Variants in TENM3 observed in about 807,000 individuals in gnomAD.
TENM3 encodes the protein teneurin-3.
A neutral mutation model predicts 255.1 loss-of-function variants in TENM3; 63 were observed. The ratio of observed to expected loss-of-function variants is 0.25; its 90% CI spans 0.20 to 0.30. TENM3 has a LOEUF of 0.30. TENM3 is among the 10% of genes least tolerant of loss of function. TENM3 has a pLI of 1.00. For synonymous variants in TENM3, 1,306 were observed against 1,322.3 expected (o/e 0.99, Z 0.27); for missense variants, 2,929 against 3,461.1 (o/e 0.85, Z 3.86).
chr4:181,730,087 G>C, the TENM3 span, among the ~76,000 whole-genome samples: 1 of 152,196 alleles, frequency 6.6e-6, no homozygotes, highest in Admixed American at 6.5e-5. Context: ...CGCAGGGCTC[G>C]TATCACACAA....
At chr4:182,600,712 A>G (rs1201781222) in intron 3 of TENM3, among the ~76,000 whole-genome samples, 2 of 152,104 alleles carry the variant, frequency 1.3e-5, no homozygotes, top group Non-Finnish European at 2.9e-5. Context: ...ATTAATTAGA[A>G]CTTTGTGTAT....
intron 1 of TENM3, chr4:182,190,216 G>A (rs1318042752): frequency 1.3e-5 from 2 of 152,052 alleles, no homozygotes; most frequent in Non-Finnish European, 2.9e-5. Flanking sequence ...TGAAATTCTA[G>A]ATCTCTGGAA....
At position 182,793,075 on chromosome 4, in the gene TENM3, G is replaced by A. The variant is rs1221614572; in HGVS notation, c.6403G>A (p.Asp2135Asn). The A allele has an allele frequency of 6.2e-7, 1 of 1,613,956 alleles. No homozygotes were observed. Among genetic ancestry groups the A allele is most frequent in the Admixed American group, 1.7e-5 (1 of 60,018 alleles). ...CAAATATGCTTATGAATATGATGTTGATGGACAGCTCCAAACAGTTTACCT... is the reference window on the plus strand; with the variant it reads ...CAAATATGCTTATGAATATGATGTTAATGGACAGCTCCAAACAGTTTACCT... Reference protein sequence around the residue: ...TTKYAYEYDVDGQLQTVYLNE... With the variant: ...TTKYAYEYDVNGQLQTVYLNE... Residue 2135 changes from aspartate to asparagine, a missense_variant, in exon 26 of 28, where the codon GAT becomes AAT. Coordinates refer to ENST00000511685, the MANE Select transcript of TENM3 (RefSeq NM_001080477.4). The surrounding 1 kb of genome is among the most constrained non-coding windows in gnomAD (Gnocchi z 5.7).
chr4:182,532,070 A>C (rs971424603), intron 3 of TENM3, among the ~76,000 whole-genome samples: 1 of 152,236 alleles, frequency 6.6e-6, no homozygotes, highest in African/African-American at 2.4e-5. Flanking sequence ...TGACTACATC[A>C]GAATTTCTCT....
chr4:181,867,396 G>A, the TENM3 span, among the ~76,000 whole-genome samples: 1 of 151,964 alleles, frequency 6.6e-6, no homozygotes, highest in Non-Finnish European at 1.5e-5. Context: ...TCTCCATTTA[G>A]GCCCCACCTC....
the TENM3 span, among the ~76,000 whole-genome samples, chr4:181,640,445 T>C: frequency 1.3e-5 from 2 of 152,348 alleles, no homozygotes; most frequent in Non-Finnish European, 2.9e-5. Context: ...GGGATTGTTA[T>C]AGTGCTTTCC....
chr4:181,531,810 G>A, the TENM3 span, among the ~76,000 whole-genome samples: 1 of 152,196 alleles, frequency 6.6e-6, no homozygotes, highest in African/African-American at 2.4e-5. Context: ...CTTCCCTGAG[G>A]CACTGCTGCT....
chr4:182,214,512 GTATTTATT>G (rs56013840), intron 1 of TENM3, among the ~76,000 whole-genome samples: 2,093 of 147,256 alleles, frequency 0.014, 24 homozygotes, highest in Non-Finnish European at 0.022. Flanking sequence ...TCTATTTATT[GTATTTATT>G]TATTTATTTA....
At chr4:181,546,717 A>C in the TENM3 span, among the ~76,000 whole-genome samples, 2 of 114,112 alleles carry the variant, frequency 1.8e-5, no homozygotes, top group East Asian at 2.7e-4. Flanking sequence ...CCGTCTCAGA[A>C]AAAAAAAAAA....
chr4:182,413,847 T>C (rs1341885840), intron 3 of TENM3, among the ~76,000 whole-genome samples: 1 of 152,182 alleles, frequency 6.6e-6, no homozygotes, highest in African/African-American at 2.4e-5. Flanking sequence ...GGGGTGCAGA[T>C]CCAAGACAGT....
At chr4:181,936,754 G>A in the TENM3 span, among the ~76,000 whole-genome samples, 1 of 151,886 alleles carries the variant, frequency 6.6e-6, no homozygotes, top group African/African-American at 2.4e-5. Flanking sequence ...CTAGGGGACA[G>A]GAAAGACCTC....
chr4:181,779,290 T>C, the TENM3 span, among the ~76,000 whole-genome samples: 5 of 150,980 alleles, frequency 3.3e-5, no homozygotes, highest in African/African-American at 4.9e-5. Flanking sequence ...TTTATTTATT[T>C]ATTTTTCCTT....
At chr4:182,540,453 G>A (rs1233254722) in intron 3 of TENM3, among the ~76,000 whole-genome samples, 2 of 152,176 alleles carry the variant, frequency 1.3e-5, no homozygotes, top group Admixed American at 6.5e-5. Flanking sequence ...GCCGGGCATG[G>A]TGGCGCATGC....
chr4:182,597,204 A>G (rs938116888), intron 3 of TENM3, among the ~76,000 whole-genome samples: 7 of 152,270 alleles, frequency 4.6e-5, no homozygotes, highest in South Asian at 2.1e-4. Context: ...GGAGTTCAAG[A>G]CTGGCCTGGG....
the TENM3 span, among the ~76,000 whole-genome samples, chr4:181,468,487 T>C: frequency 6.6e-6 from 1 of 152,208 alleles, no homozygotes; most frequent in African/African-American, 2.4e-5. Flanking sequence ...CATCCTCAGA[T>C]AGGAATTCCA....
At chr4:181,759,724 ATGTGTGTGTGTG>A in the TENM3 span, among the ~76,000 whole-genome samples, 11 of 146,620 alleles carry the variant, frequency 7.5e-5, no homozygotes, top group Admixed American at 4.8e-4. Flanking sequence ...CAATCAACAG[ATGTGTGTGTGTG>A]TGTGTGTGTG....
At chr4:182,329,361 G>A (rs1763614972) in intron 2 of TENM3, among the ~76,000 whole-genome samples, 1 of 152,208 alleles carries the variant, frequency 6.6e-6, no homozygotes, top group Non-Finnish European at 1.5e-5. Context: ...CCTTGTGGGA[G>A]CAGCTGGTTT....
At chr4:182,577,204 T>A (rs1745016635) in intron 3 of TENM3, among the ~76,000 whole-genome samples, 1 of 152,210 alleles carries the variant, frequency 6.6e-6, no homozygotes, top group Non-Finnish European at 1.5e-5. Flanking sequence ...TCTTAGATTA[T>A]TTACCAGATA....
the TENM3 span, among the ~76,000 whole-genome samples, chr4:181,637,273 A>C: frequency 1.3e-5 from 2 of 152,230 alleles, no homozygotes; most frequent in Non-Finnish European, 2.9e-5. Flanking sequence ...TTTCTTATTT[A>C]TGTGAGTGTT....
Sources: gnomAD v4.1 joint callset for allele counts (sites outside exome capture counted in the v4.1 genomes callset) on GRCh38, gnomAD v4.1.1 for gene constraint, Gnocchi (gnomAD v3.1) non-coding constraint, MANE v1.5 for transcripts, NCBI Gene and HGNC (gene_info 2026-07-23, HGNC 2026-07-21) for gene names.